NELL2: variants seen among roughly 807,000 people sequenced by gnomAD.
The protein encoded by NELL2 is protein kinase C-binding protein NELL2.
NELL2 carries 41 observed loss-of-function variants against 109.6 expected under a neutral mutation model. That is an observed-to-expected ratio of 0.37 (90% confidence interval 0.29 to 0.49). NELL2 has a LOEUF of 0.49. NELL2 is among the 20% of genes least tolerant of loss of function. The probability of loss-of-function intolerance (pLI) is 0.98; values close to 1 mark genes in which losing one functional copy is unlikely to be tolerated. For synonymous variants in NELL2, 355 were observed against 344.7 expected (o/e 1.03, Z -0.33); for missense variants, 900 against 1,008.3 (o/e 0.89, Z 1.45).
chr12:44,747,432 T>C (rs924218349), intron 9 of NELL2, among the ~76,000 whole-genome samples: 6 of 151,076 alleles, frequency 4.0e-5, no homozygotes, highest in Non-Finnish European at 7.4e-5. Context: ...ACATGTACCC[T>C]AAAACTTCAA....
At chr12:44,686,358 G>C (rs1490022119) in intron 12 of NELL2, among the ~76,000 whole-genome samples, 1 of 152,050 alleles carries the variant, frequency 6.6e-6, no homozygotes, top group Non-Finnish European at 1.5e-5. Context: ...CCTTTGGTTT[G>C]AATGTCCTCC....
chr12:44,711,182 T>A, intron 11 of NELL2, 110 bp downstream of exon 11: 1 of 751,032 alleles, frequency 1.3e-6, no homozygotes, highest in Non-Finnish European at 2.3e-6. Flanking sequence ...AGGGAAATAC[T>A]ATTAGTCTAT....
At chr12:44,854,562 C>T (rs1944621922) in intron 2 of NELL2, among the ~76,000 whole-genome samples, 1 of 151,774 alleles carries the variant, frequency 6.6e-6, no homozygotes. Flanking sequence ...ATCGTTTAAT[C>T]TAACTCCCAT....
chr12:44,801,064 T>C (rs935850836), intron 3 of NELL2, among the ~76,000 whole-genome samples: 7 of 152,144 alleles, frequency 4.6e-5, no homozygotes, highest in African/African-American at 1.7e-4. Flanking sequence ...ACTGAAATGG[T>C]TACAGAACAT....
chr12:44,784,794 C>G (rs538076039), intron 3 of NELL2, among the ~76,000 whole-genome samples: 5 of 152,264 alleles, frequency 3.3e-5, no homozygotes, highest in Non-Finnish European at 5.9e-5. Flanking sequence ...ATGATTATCT[C>G]AATAGATGCA....
chr12:44,640,619 G>C (rs1385275177), intron 13 of NELL2, among the ~76,000 whole-genome samples: 2 of 151,590 alleles, frequency 1.3e-5, no homozygotes, highest in Non-Finnish European at 2.9e-5. Flanking sequence ...TTGGAACATG[G>C]TTGCATAGCA....
Position 44,523,361 on chromosome 12 carries a change from T to A in NELL2, c.1928A>T (p.Asp643Val). Residue 643 changes from aspartate (D) to valine (V), a missense_variant, in exon 17 of 20, where the codon GAT becomes GTT. By Grantham distance (152) the Asp-to-Val change is radical (BLOSUM62 -3). Around this residue, in one of 4 missense-constraint regions of NELL2, gnomAD observed 333 missense variants for 432.3 expected, o/e 0.77. Coordinates refer to ENST00000429094, the MANE Select transcript of NELL2 (RefSeq NM_001145108.2). ...GKNCTGDCIH[D>V]GKVKHNGQIW... is the part of the protein sequence containing the mutation. ...CTGACCATTGTGCTTAACTTTTCCA[T>A]CATGGATGCAGTCCCCTGTGCAATT... 6.2e-7 allele frequency: 1 copy of A among 1,614,194 alleles called. No homozygotes were observed. Among genetic ancestry groups the A allele is most frequent in the Non-Finnish European group, 8.5e-7 (1 of 1,180,006 alleles).
chr12:44,888,341 A>AT (rs11386435), intron 1 of NELL2, among the ~76,000 whole-genome samples: 3,676 of 147,308 alleles, frequency 0.025, 190 homozygotes, highest in African/African-American at 0.086. Context: ...TTCTAAATAA[A>AT]TTTAGGATTT....
chr12:44,714,023 G>A (rs992322087), intron 10 of NELL2, among the ~76,000 whole-genome samples: 10 of 151,666 alleles, frequency 6.6e-5, no homozygotes, highest in African/African-American at 2.4e-4. Flanking sequence ...GTAACATTAG[G>A]GTCAAGAAAT....
intron 11 of NELL2, among the ~76,000 whole-genome samples, chr12:44,710,007 G>T (rs1362956978): frequency 1.3e-5 from 2 of 152,128 alleles, no homozygotes; most frequent in African/African-American, 2.4e-5. Flanking sequence ...ATTACTGCAG[G>T]TTACCCTGAA....
chr12:44,828,168 T>C (rs1943775792), intron 2 of NELL2, among the ~76,000 whole-genome samples: 1 of 152,170 alleles, frequency 6.6e-6, no homozygotes, highest in Admixed American at 6.5e-5. Flanking sequence ...AGTTATTAGA[T>C]TGTTTTTCCT....
intron 9 of NELL2, among the ~76,000 whole-genome samples, chr12:44,755,787 T>C (rs773077022): frequency 1.8e-4 from 28 of 152,310 alleles, no homozygotes; most frequent in Middle Eastern, 3.4e-3. Context: ...TATAAATATC[T>C]TTAAGTCTCA....
At chr12:44,914,569 C>A (rs1460689490), upstream of NELL2, among the ~76,000 whole-genome samples, 1 of 152,166 alleles carries the variant, frequency 6.6e-6, no homozygotes, top group African/African-American at 2.4e-5. Flanking sequence ...TCCCATGTTT[C>A]ATATTTATCT....
At chr12:44,711,491 A>G in intron 10 of NELL2, 97 bp from the exon 11 acceptor site, 1 of 1,066,560 alleles carries the variant, frequency 9.4e-7, no homozygotes, top group South Asian at 1.4e-5. Context: ...TTTAAGATCA[A>G]GAAATTTTTG....
intron 9 of NELL2, among the ~76,000 whole-genome samples, chr12:44,743,561 C>T (rs539792594): frequency 3.3e-5 from 5 of 152,212 alleles, no homozygotes; most frequent in Admixed American, 1.3e-4. Context: ...ACCCATCTCA[C>T]GTGCAGAGAC....
At chr12:44,522,229 ACG>A in intron 17 of NELL2, 53 bp from the exon 18 acceptor site, 3 of 1,490,228 alleles carry the variant, frequency 2.0e-6, no homozygotes, top group Non-Finnish European at 1.9e-6. Context: ...TCTCAGTAAC[ACG>A]CACACACACA....
At chr12:44,848,692 C>A (rs1364704113) in intron 2 of NELL2, among the ~76,000 whole-genome samples, 4 of 152,106 alleles carry the variant, frequency 2.6e-5, no homozygotes, top group Non-Finnish European at 5.9e-5. Flanking sequence ...AGAGAAGGGG[C>A]AGGCTATTTG....
In NELL2 at chr12:44,526,458, A is replaced by T. The variant is rs545459460; in HGVS notation, c.1805-2974T>A. 7.2e-5 allele frequency among the ~76,000 whole-genome samples: 11 copies of T among 152,328 alleles called. No individual in the cohort carries two copies. In the South Asian group the frequency reaches 8.3e-4, roughly 11 times the overall value. Reference sequence around the variant, plus strand: ...ACTGTTACATAACTTGCCCAAAATGACACAGCCACACAGCCAGTAGGCCCA... The same window carrying T: ...ACTGTTACATAACTTGCCCAAAATGTCACAGCCACACAGCCAGTAGGCCCA... On this transcript the variant is annotated intron_variant, in intron 16 of 19. Transcript: ENST00000429094.
intron 1 of NELL2, among the ~76,000 whole-genome samples, chr12:44,903,243 C>T (rs1470306444): frequency 1.3e-5 from 2 of 152,142 alleles, no homozygotes; most frequent in Non-Finnish European, 2.9e-5. Context: ...TGAACAGACG[C>T]TTTTCAAAAG....
Sources: allele counts gnomAD v4.1 joint callset (sites outside exome capture counted in the v4.1 genomes callset), GRCh38; gene constraint gnomAD v4.1.1; regional missense constraint gnomAD v4.1.1; transcripts MANE v1.5; gene names NCBI Gene and HGNC (gene_info 2026-07-23, HGNC 2026-07-21).